EEA1: variants seen among roughly 807,000 people sequenced by gnomAD.
EEA1 encodes the protein early endosome antigen 1, 162kD.
A neutral mutation model predicts 209.2 loss-of-function variants in EEA1; 111 were observed. The observed-to-expected ratio is 0.53, with a 90% confidence interval of 0.45 to 0.62. The LOEUF (loss-of-function observed/expected upper bound fraction) is 0.62, where lower values mean the gene tolerates loss of function less well. EEA1 is among the 20% of genes least tolerant of loss of function. EEA1 has a pLI of 0.00. For synonymous variants in EEA1, 536 were observed against 540.6 expected (o/e 0.99, Z 0.12); for missense variants, 1,343 against 1,530.8 (o/e 0.88, Z 2.05).
At chr12:92,838,493 G>A (rs564976036) in intron 10 of EEA1, among the ~76,000 whole-genome samples, 20 of 152,278 alleles carry the variant, frequency 1.3e-4, no homozygotes, top group African/African-American at 3.6e-4. Context: ...AGTTTTCTAC[G>A]TGTAGTTTGA....
intron 2 of EEA1, among the ~76,000 whole-genome samples, chr12:92,867,496 A>G (rs1878455059): frequency 6.6e-6 from 1 of 152,222 alleles, no homozygotes; most frequent in South Asian, 2.1e-4. Context: ...CTTACAGATT[A>G]TAAAATCTTC....
At position 92,802,457 on chromosome 12, in the gene EEA1, T is replaced by C. The variant is rs554541600; in HGVS notation, c.2617A>G (p.Lys873Glu). 6 of 1,582,376 alleles carry C rather than the reference T, an allele frequency of 3.8e-6. No homozygotes were observed. In the East Asian group the frequency reaches 9.0e-5, roughly 24 times the overall value. ...TGATTCTCCTTTTCAAATTCACTTT[T>C]AGAGTTTTTCAAAGAATCAGAAACT... ...SKVSDSLKNS[K>E]SEFEKENQKG... is the part of the protein sequence containing the mutation. The change falls in exon 19 of 29, where the codon AAA becomes GAA. Residue 873 changes from lysine (K) to glutamate (E), a missense_variant. Transcript: ENST00000322349.
At chr12:92,915,225 G>A (rs1006223157) in intron 1 of EEA1, among the ~76,000 whole-genome samples, 2 of 152,106 alleles carry the variant, frequency 1.3e-5, no homozygotes, top group African/African-American at 2.4e-5. Context: ...CCAGCACTTT[G>A]GGATGCCAAG....
At chr12:92,888,080 G>C (rs1374978143) in intron 2 of EEA1, among the ~76,000 whole-genome samples, 1 of 152,044 alleles carries the variant, frequency 6.6e-6, no homozygotes, top group Non-Finnish European at 1.5e-5. Context: ...ACTAAAAGCA[G>C]TCTTCTCAAC....
chr12:92,799,876 T>A (rs772066378), intron 20 of EEA1, among the ~76,000 whole-genome samples: 1 of 152,158 alleles, frequency 6.6e-6, no homozygotes, highest in African/African-American at 2.4e-5. Context: ...ATAGTAACTA[T>A]GATAAAAACA....
chr12:92,915,628 A>C (rs1880737920), intron 1 of EEA1, among the ~76,000 whole-genome samples: 1 of 152,208 alleles, frequency 6.6e-6, no homozygotes, highest in Non-Finnish European at 1.5e-5. Context: ...TGCAATTAAC[A>C]CTTAGGTTTC....
intron 16 of EEA1, among the ~76,000 whole-genome samples, chr12:92,812,538 C>A (rs1426700848): frequency 1.3e-5 from 2 of 152,078 alleles, no homozygotes; most frequent in Admixed American, 1.3e-4. Flanking sequence ...ACTCTTATAA[C>A]TGAGGTAGAA....
intron 9 of EEA1, among the ~76,000 whole-genome samples, chr12:92,850,861 T>C (rs1877596736): frequency 1.3e-5 from 2 of 152,058 alleles, no homozygotes; most frequent in African/African-American, 2.4e-5. Flanking sequence ...ACCTTAAATA[T>C]CATGTCAACA....
intron 21 of EEA1, among the ~76,000 whole-genome samples, chr12:92,797,493 T>C (rs1216162118): frequency 6.6e-6 from 1 of 152,124 alleles, no homozygotes; most frequent in Non-Finnish European, 1.5e-5. Flanking sequence ...ATATGGAGGG[T>C]CAACTGTACA....
At chr12:92,810,279 C>G (rs1875425711) in intron 17 of EEA1, among the ~76,000 whole-genome samples, 1 of 151,932 alleles carries the variant, frequency 6.6e-6, no homozygotes, top group Admixed American at 6.6e-5. Context: ...ATATGATACT[C>G]CCTAAAATGA....
chr12:92,778,723 C>A (rs995711702), intron 25 of EEA1, among the ~76,000 whole-genome samples: 2 of 152,042 alleles, frequency 1.3e-5, no homozygotes, highest in African/African-American at 4.8e-5. Context: ...GAAAAGCAGA[C>A]TTTGTTCATC....
chr12:92,928,297 A>C (rs1310866774), intron 1 of EEA1, among the ~76,000 whole-genome samples: 1 of 152,306 alleles, frequency 6.6e-6, no homozygotes, highest in African/African-American at 2.4e-5. Context: ...TTCTATCCTC[A>C]AGGTTTTCCA....
intron 2 of EEA1, 61 bp downstream of exon 2, chr12:92,891,568 C>T (rs1592761379): frequency 7.8e-7 from 1 of 1,286,786 alleles, no homozygotes; most frequent in East Asian, 2.4e-5. Flanking sequence ...AATCGTTACA[C>T]CAAATATTTG....
chr12:92,790,143 AC>A (rs1474910660), intron 21 of EEA1, among the ~76,000 whole-genome samples: 1 of 152,240 alleles, frequency 6.6e-6, no homozygotes, highest in African/African-American at 2.4e-5. Context: ...AACATCAAAG[AC>A]CAAAGGTAGA....
chr12:92,826,368 A>G, intron 12 of EEA1, 83 bp from the exon 13 acceptor site: 1 of 1,282,004 alleles, frequency 7.8e-7, no homozygotes, highest in Non-Finnish European at 1.1e-6. Flanking sequence ...TTCAATTCTC[A>G]AGTCTGAACA....
chr12:92,873,134 T>A (rs1038887558), intron 2 of EEA1, among the ~76,000 whole-genome samples: 5 of 152,212 alleles, frequency 3.3e-5, no homozygotes, highest in Non-Finnish European at 7.3e-5. Context: ...CTTAAGGAAA[T>A]CACTTTGCTT....
At position 92,810,701 on chromosome 12, in the gene EEA1, G is replaced by A. The variant is rs570063160; in HGVS notation, c.2199+578C>T. ...AGCCAAAGGCAGTTAAGCAGCAAGC[G>A]GTTCTAATTTGAAGGACACAAAAAC... On this transcript the variant is annotated intron_variant, in intron 17 of 28. Coordinates refer to ENST00000322349, the MANE Select transcript of EEA1 (RefSeq NM_003566.4). Among the ~76,000 whole-genome samples the A allele has an allele frequency of 8.6e-5, 13 of 151,560 alleles. No homozygotes were observed. The South Asian group carries it at 1.9e-3, about 22-fold the overall frequency.
At chr12:92,899,129 CA>C (rs138666239) in intron 1 of EEA1, among the ~76,000 whole-genome samples, 6,024 of 137,340 alleles carry the variant, frequency 0.044, 183 homozygotes, top group African/African-American at 0.1. Context: ...TGGCCAAAGG[CA>C]AAAAAAAAAA....
intron 10 of EEA1, among the ~76,000 whole-genome samples, chr12:92,835,597 G>A (rs984754357): frequency 1.3e-5 from 2 of 151,510 alleles, no homozygotes; most frequent in Non-Finnish European, 2.9e-5. Flanking sequence ...ATTTTTAGTA[G>A]AGACAGGGTT....
Sources: allele counts gnomAD v4.1 joint callset (sites outside exome capture counted in the v4.1 genomes callset), GRCh38; gene constraint gnomAD v4.1.1; transcripts MANE v1.5; gene names NCBI Gene and HGNC (gene_info 2026-07-23, HGNC 2026-07-21).